The following CHRNA7 variants were observed in gnomAD, a reference collection of about 807,000 sequenced individuals.
The protein encoded by CHRNA7 is neuronal acetylcholine receptor subunit alpha-7.
A neutral mutation model predicts 48.0 loss-of-function variants in CHRNA7; 17 were observed. The observed-to-expected ratio is 0.35, with a 90% confidence interval of 0.24 to 0.53. CHRNA7 has a LOEUF of 0.53. CHRNA7 is among the 20% of genes least tolerant of loss of function. The pLI, the probability that CHRNA7 is intolerant of heterozygous loss-of-function variation, is 0.92. For synonymous variants in CHRNA7, 75 were observed against 242.3 expected, an observed-to-expected ratio of 0.31 and a Z score of 6.41; for missense variants, 155 against 577.7, an observed-to-expected ratio of 0.27 and a Z score of 7.50.
chr15:32,138,411 G>C (rs781303532), intron 4 of CHRNA7, among the ~76,000 whole-genome samples: 3 of 152,052 alleles, frequency 2.0e-5, no homozygotes. Context: ...TAGCATAACT[G>C]TGTGGAAGGT....
chr15:32,047,339 T>C (rs1274799707), intron 2 of CHRNA7, among the ~76,000 whole-genome samples: 5 of 150,610 alleles, frequency 3.3e-5, no homozygotes, highest in African/African-American at 7.4e-5. Flanking sequence ...TATCCTCTTT[T>C]ATTTCATTGA....
chr15:32,077,794 G>A (rs1316257567), intron 2 of CHRNA7, among the ~76,000 whole-genome samples: 1 of 152,174 alleles, frequency 6.6e-6, no homozygotes, highest in Admixed American at 6.5e-5. Context: ...AGGAGCATGT[G>A]TAGAGATCAC....
At chr15:32,046,009 T>C (rs1320868503) in intron 2 of CHRNA7, among the ~76,000 whole-genome samples, 1 of 151,408 alleles carries the variant, frequency 6.6e-6, no homozygotes, top group East Asian at 1.9e-4. Flanking sequence ...CATCATTTTT[T>C]ATGGCTGCAT....
At chr15:32,043,439 C>T (rs192878868) in intron 2 of CHRNA7, among the ~76,000 whole-genome samples, 1,883 of 151,972 alleles carry the variant, frequency 0.012, 38 homozygotes, top group African/African-American at 0.043. Context: ...TTTTTTTCCT[C>T]TTTTTTCTTA....
rs2051586240 is a variant in CHRNA7, at chr15:32,149,884, T to G, written c.351-4023T>G. On this transcript the variant is annotated intron_variant, in intron 4 of 9. Coordinates refer to ENST00000306901, the MANE Select transcript of CHRNA7 (RefSeq NM_000746.6). The surrounding 1 kb of genome is among the most constrained non-coding windows in gnomAD (Gnocchi z 4.6). ...AAGGCTTGTAGGAACTTTTTTTTTT[T>G]CAGAGTTGAATCACTGATCTAACAG... 6.6e-6 allele frequency among the ~76,000 whole-genome samples: 1 copy of G among 151,974 alleles called. No homozygotes were observed. Among genetic ancestry groups the G allele is most frequent in the Non-Finnish European group, 1.5e-5 (1 of 68,000 alleles).
chr15:32,112,001 T>C (rs2050770027), intron 4 of CHRNA7, 102 bp downstream of exon 4: 1 of 811,424 alleles, frequency 1.2e-6, no homozygotes, highest in African/African-American at 1.7e-5. Context: ...ATGTTATCTA[T>C]GATCTGGGGC....
intron 2 of CHRNA7, among the ~76,000 whole-genome samples, chr15:32,068,029 A>C (rs1329040364): frequency 1.3e-5 from 2 of 152,178 alleles, no homozygotes; most frequent in Non-Finnish European, 2.9e-5. Flanking sequence ...AGAAAATAGC[A>C]AACTGGGCAC....
chr15:32,065,641 T>C (rs2049951953), intron 2 of CHRNA7, among the ~76,000 whole-genome samples: 2 of 152,260 alleles, frequency 1.3e-5, no homozygotes, highest in Non-Finnish European at 2.9e-5. Context: ...GAGAAGGCCT[T>C]AGACTCTCAC....
At chr15:32,070,614 G>T (rs1396427703) in intron 2 of CHRNA7, among the ~76,000 whole-genome samples, 1 of 140,230 alleles carries the variant, frequency 7.1e-6, no homozygotes, top group Non-Finnish European at 1.5e-5. Context: ...TCACATTTAA[G>T]TCTGCAATCT....
Position 32,149,416 on chromosome 15 carries a change from T to TG in CHRNA7, c.351-4489dup, listed in dbSNP as rs2051572018. ...GCCACTGAGGTCCTCATAGGGGTTC[T>TG]GGCCACTCACATTTCCGAGGTTCTT... On this transcript the variant is annotated intron_variant, in intron 4 of 9. Coordinates refer to ENST00000306901, the MANE Select transcript of CHRNA7 (RefSeq NM_000746.6). This position sits in a 1 kb window ranked among gnomAD's most constrained non-coding sequence, Gnocchi z 4.6. Among the ~76,000 whole-genome samples, 1 of 152,206 alleles carries TG rather than the reference T, an allele frequency of 6.6e-6. No homozygotes were observed. The highest frequency in any genetic ancestry group is 1.5e-5 in the Non-Finnish European group (1 of 68,036).
chr15:32,076,395 A>G (rs916610696), intron 2 of CHRNA7, among the ~76,000 whole-genome samples: 11 of 152,134 alleles, frequency 7.2e-5, no homozygotes, highest in South Asian at 2.1e-4. Context: ...TGGCCTGTTT[A>G]TCGTCAGATA....
chr15:32,156,409 G>A (rs2051739981), intron 5 of CHRNA7: 1 of 52,504 alleles, frequency 1.9e-5, no homozygotes, highest in Non-Finnish European at 4.0e-5. Context: ...TCGGTTGTGG[G>A]GTGGGGTCCT....
At position 32,051,740 on chromosome 15, in the gene CHRNA7, A is replaced by C. The variant is rs1336112770; in HGVS notation, c.195+20703A>C. ...AATGCAGGAATCACCCGTCTTCTGC[A>C]TTGCTCAGGCTGGGAGCTGTAGACC... is the stretch of plus-strand genomic sequence containing the variant. On this transcript the variant is annotated intron_variant, in intron 2 of 9. Coordinates refer to ENST00000306901, the MANE Select transcript of CHRNA7 (RefSeq NM_000746.6). Among the ~76,000 whole-genome samples the C allele has an allele frequency of 2.6e-5, 4 of 152,172 alleles. No homozygotes were observed. In the East Asian group the frequency reaches 7.7e-4, roughly 29 times the overall value.
In CHRNA7 at chr15:32,068,584, A is replaced by G. The variant is rs182929550; in HGVS notation, c.196-32719A>G. Among the ~76,000 whole-genome samples, 351 of 152,148 alleles carry G rather than the reference A, an allele frequency of 2.3e-3. 3 individuals carry two copies. In the Middle Eastern group the frequency reaches 0.024, roughly 10 times the overall value. On this transcript the variant is annotated intron_variant, in intron 2 of 9. Coordinates refer to ENST00000306901, the MANE Select transcript of CHRNA7 (RefSeq NM_000746.6). ...CTTCAAAGCATTACTACATCTCTAC[A>G]TGGTGGTGGGCGCCTGTAATCCCAG...
chr15:32,068,149 A>C (rs2049995889), intron 2 of CHRNA7, among the ~76,000 whole-genome samples: 1 of 150,808 alleles, frequency 6.6e-6, no homozygotes, highest in African/African-American at 2.5e-5. Flanking sequence ...CTATCTCTAC[A>C]AAAAAAAGAA....
At chr15:32,143,550 C>CT (rs1272506850) in intron 4 of CHRNA7, among the ~76,000 whole-genome samples, 1 of 152,150 alleles carries the variant, frequency 6.6e-6, no homozygotes, top group Non-Finnish European at 1.5e-5. Flanking sequence ...TTGTGGGAGT[C>CT]TAAGTCTCTT....
chr15:32,108,989 C>A (rs2050719123), intron 3 of CHRNA7, among the ~76,000 whole-genome samples: 1 of 152,030 alleles, frequency 6.6e-6, no homozygotes, highest in African/African-American at 2.4e-5. Flanking sequence ...ACCTTTTCTG[C>A]CACTACGGTT....
chr15:32,078,614 G>C (rs2141228797), intron 2 of CHRNA7, among the ~76,000 whole-genome samples: 1 of 136,256 alleles, frequency 7.3e-6, no homozygotes, highest in African/African-American at 2.8e-5. Flanking sequence ...TCCCTGAATA[G>C]ACCAATGACA....
At chr15:32,058,738 G>C (rs1449312599) in intron 2 of CHRNA7, among the ~76,000 whole-genome samples, 1 of 152,132 alleles carries the variant, frequency 6.6e-6, no homozygotes, top group African/African-American at 2.4e-5. Context: ...AAGGGCTGTG[G>C]GGGCAGAACT....
Sources: allele counts gnomAD v4.1 joint callset (sites outside exome capture counted in the v4.1 genomes callset), GRCh38; gene constraint gnomAD v4.1.1; non-coding constraint Gnocchi (gnomAD v3.1); transcripts MANE v1.5; gene names NCBI Gene and HGNC (gene_info 2026-07-23, HGNC 2026-07-21).